The following GATAD2A variants were observed in gnomAD, a reference collection of about 807,000 sequenced individuals.
GATAD2A encodes the protein transcriptional repressor p66-alpha.
GATAD2A carries 12 observed loss-of-function variants against 68.5 expected under a neutral mutation model. That is an observed-to-expected ratio of 0.18 (90% CI 0.11 to 0.28). GATAD2A has a LOEUF of 0.28. Ranked by LOEUF, GATAD2A falls within the 10% of genes least tolerant of loss-of-function variation. The pLI, the probability that GATAD2A is intolerant of heterozygous loss-of-function variation, is 1.00. For synonymous variants in GATAD2A, 410 were observed against 375.3 expected (o/e 1.09, Z -1.07); for missense variants, 755 against 868.5 (o/e 0.87, Z 1.64).
At chr19:19,469,946 A>G (rs1314431900) in intron 2 of GATAD2A, among the ~76,000 whole-genome samples, 1 of 142,420 alleles carries the variant, frequency 7.0e-6, no homozygotes, top group African/African-American at 2.6e-5. Flanking sequence ...CGTCTGTCTC[A>G]GAAAAAAAAA....
chr19:19,502,017 G>A lies in GATAD2A; in HGVS notation c.1552G>A (p.Asp518Asn), dbSNP rs114464160. Residue 518 changes from aspartate (D) to asparagine (N), a missense_variant, in exon 10 of 12, where the codon GAC becomes AAC. Coordinates refer to ENST00000683918, the MANE Select transcript of GATAD2A (RefSeq NM_001384528.1). ...KLAFRSGEARDWSNGAVLQAS... is the reference protein window; with the variant it reads ...KLAFRSGEARNWSNGAVLQAS... ...GGCGTTCCGCTCAGGAGAGGCCCGCGACTGGAGTAACGGGGCTGTGCTACA... is the reference window on the plus strand; with the variant it reads ...GGCGTTCCGCTCAGGAGAGGCCCGCAACTGGAGTAACGGGGCTGTGCTACA... 366 of 1,613,806 alleles carry A rather than the reference G, an allele frequency of 2.3e-4. No homozygotes were observed. In the African/African-American group the frequency reaches 2.6e-3, roughly 11 times the overall value.
At chr19:19,456,374 C>G (rs1322398165) in intron 1 of GATAD2A, among the ~76,000 whole-genome samples, 1 of 152,106 alleles carries the variant, frequency 6.6e-6, no homozygotes, top group East Asian at 1.9e-4. Context: ...GAAATGGCAG[C>G]CCACCCATGC....
intron 1 of GATAD2A, among the ~76,000 whole-genome samples, chr19:19,464,472 G>T (rs1405010430): frequency 6.6e-6 from 1 of 152,168 alleles, no homozygotes; most frequent in African/African-American, 2.4e-5. Context: ...CCTCCCTGCA[G>T]ACAGACATCG....
intron 5 of GATAD2A, among the ~76,000 whole-genome samples, 196 bp downstream of exon 5, chr19:19,494,579 C>T (rs2060019881): frequency 6.6e-6 from 1 of 152,248 alleles, no homozygotes; most frequent in Non-Finnish European, 1.5e-5. Flanking sequence ...GCCCCACGGC[C>T]CAAAGTAGGC....
intron 2 of GATAD2A, among the ~76,000 whole-genome samples, chr19:19,485,257 C>T (rs1318336046): frequency 2.0e-5 from 3 of 152,246 alleles, no homozygotes; most frequent in Non-Finnish European, 2.9e-5. Flanking sequence ...AGGGGCCAGC[C>T]TGGGCCATTG....
intron 1 of GATAD2A, among the ~76,000 whole-genome samples, chr19:19,432,203 G>C (rs1047984806): frequency 6.6e-6 from 1 of 152,148 alleles, no homozygotes; most frequent in Non-Finnish European, 1.5e-5. Context: ...TTGAGCTCCT[G>C]ATCTCAGGTG....
At chr19:19,422,852 C>T (rs1445206601) in intron 1 of GATAD2A, among the ~76,000 whole-genome samples, 15 of 151,958 alleles carry the variant, frequency 9.9e-5, no homozygotes, top group Admixed American at 9.2e-4. Flanking sequence ...GCTGGGACTA[C>T]AGGCGCCCAC....
chr19:19,501,300 T>C lies in GATAD2A; in HGVS notation c.1387T>C (p.Phe463Leu). The C allele has an allele frequency of 6.2e-7, 1 of 1,613,190 alleles. No individual in the cohort carries two copies. Among genetic ancestry groups the C allele is most frequent in the Non-Finnish European group, 8.5e-7 (1 of 1,179,960 alleles). ...VEHTSRLKAA[F>L]VKALQQEQEI... ...GCACACCAGCCGGCTGAAGGCCGCC[T>C]TTGTGAAGGCGCTGCAGCAGGAACA... Residue 463 changes from phenylalanine to leucine, a missense_variant, in exon 9 of 12, where the codon TTT (phenylalanine) becomes CTT (leucine). Coordinates refer to ENST00000683918, the MANE Select transcript of GATAD2A (RefSeq NM_001384528.1).
At chr19:19,440,941 TCCCTTTCCTTCCTTTTCTTCCTTC>T in intron 1 of GATAD2A, among the ~76,000 whole-genome samples, 2 of 137,966 alleles carry the variant, frequency 1.4e-5, no homozygotes, top group African/African-American at 6.3e-5. Context: ...TTTTCTTCCT[TCCCTTTCCTTCCTTTTCTTCCTTC>T]CCTTTCCTTC....
intron 7 of GATAD2A, 67 bp downstream of exon 7, chr19:19,496,286 C>A: frequency 7.0e-7 from 1 of 1,423,212 alleles, no homozygotes; most frequent in Non-Finnish European, 9.9e-7. Context: ...CCCTTGGACC[C>A]AGGTTCTGGG....
intron 1 of GATAD2A, among the ~76,000 whole-genome samples, chr19:19,414,333 C>T (rs1165801191): frequency 6.6e-6 from 1 of 152,064 alleles, no homozygotes; most frequent in Non-Finnish European, 1.5e-5. Context: ...AACTGAGGCT[C>T]AAGCGGAGGA....
chr19:19,439,181 T>C (rs2054698867), intron 1 of GATAD2A, among the ~76,000 whole-genome samples: 1 of 152,242 alleles, frequency 6.6e-6, no homozygotes, highest in South Asian at 2.1e-4. Context: ...TGTGTACATT[T>C]ATTCTTATGG....
At position 19,495,755 on chromosome 19, in the gene GATAD2A, C is replaced by T. The variant is rs1000737028; in HGVS notation, c.626C>T (p.Thr209Ile). The T allele has an allele frequency of 3.1e-6, 5 of 1,606,536 alleles. No homozygotes were observed. Among genetic ancestry groups the T allele is most frequent in the Non-Finnish European group, 4.3e-6 (5 of 1,174,362 alleles). ...NIPAGKPSLQ[T>I]SSARMPGSVI... ...TCTGGGTCTTGGTATCGTTGGCAGA[C>T]CTCTTCAGCTCGGATGCCCGGCAGT... Residue 209 changes from threonine to isoleucine, a missense_variant and splice_region_variant, in exon 6 of 12, where the codon ACC (threonine) becomes ATC (isoleucine). By Grantham distance (89) the Thr-to-Ile change is moderately conservative (BLOSUM62 -1). Coordinates refer to ENST00000683918, the MANE Select transcript of GATAD2A (RefSeq NM_001384528.1).
chr19:19,451,126 G>T (rs1442000557), intron 1 of GATAD2A, among the ~76,000 whole-genome samples: 1 of 151,654 alleles, frequency 6.6e-6, no homozygotes, highest in Non-Finnish European at 1.5e-5. Context: ...TGTAATCCCA[G>T]CACCTTGTGA....
At chr19:19,424,269 G>A (rs183496457) in intron 1 of GATAD2A, among the ~76,000 whole-genome samples, 20 of 152,064 alleles carry the variant, frequency 1.3e-4, no homozygotes, top group African/African-American at 2.2e-4. Flanking sequence ...TTGCTCTGTC[G>A]TCCAGGCTAG....
intron 4 of GATAD2A, among the ~76,000 whole-genome samples, chr19:19,493,753 C>CCCCCAAAAACAAACA: frequency 6.6e-6 from 1 of 151,118 alleles, no homozygotes; most frequent in African/African-American, 2.5e-5. Flanking sequence ...CCCCGCCCCC[C>CCCCCAAAAACAAACA]ACCTTACACC....
At chr19:19,391,412 C>T (rs1366712343) in intron 1 of GATAD2A, among the ~76,000 whole-genome samples, 2 of 152,086 alleles carry the variant, frequency 1.3e-5, no homozygotes, top group Non-Finnish European at 2.9e-5. Flanking sequence ...GAAATATGCA[C>T]CAATCTTAAA....
At chr19:19,434,732 A>G (rs974922478) in intron 1 of GATAD2A, among the ~76,000 whole-genome samples, 2 of 152,130 alleles carry the variant, frequency 1.3e-5, no homozygotes, top group Admixed American at 1.3e-4. Flanking sequence ...CCGGAAGTGG[A>G]AGTCCGAGGC....
At chr19:19,412,029 A>G (rs1161796526) in intron 1 of GATAD2A, among the ~76,000 whole-genome samples, 1 of 150,808 alleles carries the variant, frequency 6.6e-6, no homozygotes, top group Non-Finnish European at 1.5e-5. Flanking sequence ...GTTTGAGCCC[A>G]GTAGTTCGAG....
Sources: gnomAD v4.1 joint callset for allele counts (sites outside exome capture counted in the v4.1 genomes callset) on GRCh38, gnomAD v4.1.1 for gene constraint, MANE v1.5 for transcripts, NCBI Gene and HGNC (gene_info 2026-07-23, HGNC 2026-07-21) for gene names.